CSMD1: variants seen among roughly 807,000 people sequenced by gnomAD.
CSMD1 encodes CUB and sushi domain-containing protein 1.
Under a neutral mutation model 417.5 loss-of-function variants are expected in CSMD1, and 213 were observed. The ratio of observed to expected loss-of-function variants is 0.51; its 90% confidence interval spans 0.46 to 0.57. The LOEUF is 0.57. Among genes scored for constraint, CSMD1 ranks in the 20% least tolerant of loss-of-function variants. The pLI, the probability that CSMD1 is intolerant of heterozygous loss-of-function variation, is 0.00. For synonymous variants in CSMD1, 2,862 were observed against 1,736.8 expected, an observed-to-expected ratio of 1.65 and a Z score of -16.11; for missense variants, 6,923 against 4,529.7, an observed-to-expected ratio of 1.53 and a Z score of -15.17.
chr8:4,293,515 A>G (rs1410154468), intron 3 of CSMD1, among the ~76,000 whole-genome samples: 1 of 152,340 alleles, frequency 6.6e-6, no homozygotes, highest in Non-Finnish European at 1.5e-5. Context: ...ACTTACTTTA[A>G]AAGAACACTA....
chr8:4,012,001 G>C (rs940039880), intron 4 of CSMD1, among the ~76,000 whole-genome samples: 1 of 150,404 alleles, frequency 6.6e-6, no homozygotes, highest in African/African-American at 2.4e-5. Context: ...CTGTTATACT[G>C]TATTGTTTAG....
At chr8:3,481,918 C>A in intron 11 of CSMD1, among the ~76,000 whole-genome samples, 1 of 152,102 alleles carries the variant, frequency 6.6e-6, no homozygotes, top group Non-Finnish European at 1.5e-5. Flanking sequence ...CTGTTTTGAG[C>A]CACCAAGTTT....
intron 3 of CSMD1, among the ~76,000 whole-genome samples, chr8:4,287,450 A>G (rs963798393): frequency 6.6e-6 from 1 of 152,126 alleles, no homozygotes; most frequent in Non-Finnish European, 1.5e-5. Context: ...TCCAATATTG[A>G]GTAATATTAG....
intron 11 of CSMD1, 123 bp downstream of exon 11, chr8:3,493,500 G>A: frequency 1.5e-6 from 1 of 678,290 alleles, no homozygotes; most frequent in Non-Finnish European, 2.5e-6. Context: ...CACTACATTA[G>A]CCATAGATGG....
At chr8:4,573,275 T>C (rs111396786) in intron 2 of CSMD1, among the ~76,000 whole-genome samples, 23,711 of 152,210 alleles carry the variant, frequency 0.16, 2,145 homozygotes, top group Non-Finnish European at 0.2. Context: ...TTTGATCTTT[T>C]ATGCTGATGA....
chr8:4,392,867 G>A (rs1051864857), intron 3 of CSMD1, among the ~76,000 whole-genome samples: 2 of 151,908 alleles, frequency 1.3e-5, no homozygotes, highest in African/African-American at 4.8e-5. Flanking sequence ...ACCCAGGGAG[G>A]CTAAGGCAGG....
chr8:3,076,289 T>C (rs142890642), intron 49 of CSMD1, among the ~76,000 whole-genome samples: 1 of 75,618 alleles, frequency 1.3e-5, no homozygotes, highest in Non-Finnish European at 2.8e-5. Flanking sequence ...CGCCCCTCTG[T>C]GCACCTCTGT....
chr8:3,054,970 T>C (rs1316625474), intron 49 of CSMD1, among the ~76,000 whole-genome samples: 1 of 152,212 alleles, frequency 6.6e-6, no homozygotes, highest in African/African-American at 2.4e-5. Flanking sequence ...TTCCAATATC[T>C]AGCTTCCTCA....
At chr8:3,404,899 C>A (rs1812254870) in intron 15 of CSMD1, among the ~76,000 whole-genome samples, 1 of 152,210 alleles carries the variant, frequency 6.6e-6, no homozygotes, top group South Asian at 2.1e-4. Context: ...GAAGCTGAAT[C>A]ATTTCCAACT....
At chr8:4,104,963 A>T (rs1291679738) in intron 3 of CSMD1, among the ~76,000 whole-genome samples, 2 of 151,672 alleles carry the variant, frequency 1.3e-5, no homozygotes, top group African/African-American at 4.8e-5. Flanking sequence ...AGCCACTGCC[A>T]ATTCGATCAT....
chr8:4,090,961 C>G (rs890489834), intron 3 of CSMD1, among the ~76,000 whole-genome samples: 1 of 151,394 alleles, frequency 6.6e-6, no homozygotes, highest in Non-Finnish European at 1.5e-5. Flanking sequence ...GTCTGTCACC[C>G]AGGCTGGAGT....
At chr8:4,193,861 C>T (rs1361279811) in intron 3 of CSMD1, among the ~76,000 whole-genome samples, 1 of 152,012 alleles carries the variant, frequency 6.6e-6, no homozygotes, top group Admixed American at 6.5e-5. Flanking sequence ...CATTCTTCAG[C>T]ACCGAGAAGC....
At chr8:4,029,422 C>T (rs576870977) in intron 4 of CSMD1, among the ~76,000 whole-genome samples, 1 of 152,116 alleles carries the variant, frequency 6.6e-6, no homozygotes, top group African/African-American at 2.4e-5. Context: ...AGGACCTAGC[C>T]ACGTCTTATA....
intron 26 of CSMD1, among the ~76,000 whole-genome samples, chr8:3,245,194 G>A (rs572809221): frequency 1.3e-5 from 2 of 152,262 alleles, no homozygotes; most frequent in South Asian, 4.1e-4. Context: ...CTTCTGAGTT[G>A]CTCAAATCAA....
chr8:3,909,060 A>T (rs1808288876), intron 5 of CSMD1, among the ~76,000 whole-genome samples: 1 of 152,158 alleles, frequency 6.6e-6, no homozygotes, highest in South Asian at 2.1e-4. Flanking sequence ...GGAGCAGCTG[A>T]GAAGGCCTTT....
chr8:3,338,690 G>C (rs1179933460), intron 23 of CSMD1, among the ~76,000 whole-genome samples: 1 of 152,094 alleles, frequency 6.6e-6, no homozygotes, highest in East Asian at 1.9e-4. Context: ...TGCATCCTGA[G>C]GACTGTAACT....
intron 12 of CSMD1, among the ~76,000 whole-genome samples, chr8:3,445,963 T>G (rs1815277605): frequency 1.3e-5 from 2 of 152,298 alleles, no homozygotes; most frequent in South Asian, 4.1e-4. Context: ...AAATGACTGC[T>G]TGTTCTGGGC....
chr8:4,390,872 T>C (rs895583554), intron 3 of CSMD1, among the ~76,000 whole-genome samples: 2 of 152,080 alleles, frequency 1.3e-5, no homozygotes, highest in Non-Finnish European at 2.9e-5. Context: ...GTACCTCACA[T>C]GTTTCATATG....
intron 5 of CSMD1, among the ~76,000 whole-genome samples, chr8:3,820,976 G>C (rs1381575053): frequency 1.3e-5 from 2 of 152,010 alleles, no homozygotes; most frequent in African/African-American, 4.8e-5. Context: ...GAGTGCAATG[G>C]TGCAAACTCG....
Sources: allele counts gnomAD v4.1 joint callset (sites outside exome capture counted in the v4.1 genomes callset), GRCh38; gene constraint gnomAD v4.1.1; transcripts MANE v1.5; gene names NCBI Gene and HGNC (gene_info 2026-07-23, HGNC 2026-07-21).